The following SGCD variants were observed in gnomAD, a reference collection of about 807,000 sequenced individuals.
SGCD encodes the protein delta-sarcoglycan.
Under a neutral mutation model 36.6 loss-of-function variants are expected in SGCD, and 18 were observed. That is an observed-to-expected ratio of 0.49 (90% confidence interval 0.34 to 0.73). The LOEUF (loss-of-function observed/expected upper bound fraction) is 0.73. Ranked by LOEUF, SGCD falls within the 30% of genes least tolerant of loss-of-function variation. The probability of loss-of-function intolerance (pLI) is 0.01; values close to 1 mark genes in which losing one functional copy is unlikely to be tolerated. For missense variants in SGCD, 387 were observed against 346.7 expected (o/e 1.12, Z -0.92); for synonymous variants, 133 against 130.6 (o/e 1.02, Z -0.12).
intron 3 of SGCD, among the ~76,000 whole-genome samples, chr5:156,438,210 G>T (rs1276674692): frequency 1.3e-5 from 2 of 152,148 alleles, no homozygotes; most frequent in Non-Finnish European, 2.9e-5. Context: ...CTGTGAACTG[G>T]CCTCTAAAAG....
intron 3 of SGCD, among the ~76,000 whole-genome samples, chr5:156,443,388 A>G (rs1044139703): frequency 2.6e-5 from 4 of 152,296 alleles, no homozygotes; most frequent in Admixed American, 6.5e-5. Context: ...AGGTTTTGGA[A>G]ATAGTTTTGC....
At chr5:155,842,714 A>G in the SGCD span, among the ~76,000 whole-genome samples, 195 of 152,364 alleles carry the variant, frequency 1.3e-3, 1 homozygote, top group African/African-American at 4.6e-3. Flanking sequence ...GAATTTTAAT[A>G]AATTAGCACA....
intron 4 of SGCD, among the ~76,000 whole-genome samples, chr5:156,572,678 T>G (rs1330810945): frequency 6.6e-6 from 1 of 152,158 alleles, no homozygotes; most frequent in Non-Finnish European, 1.5e-5. Context: ...CCATTACTTT[T>G]CAAAGAGTGT....
At chr5:156,416,550 GA>G (rs1049242714) in intron 3 of SGCD, among the ~76,000 whole-genome samples, 21 of 151,948 alleles carry the variant, frequency 1.4e-4, no homozygotes, top group Admixed American at 4.6e-4. Flanking sequence ...AATGGGGGGG[GA>G]AAAAAGTGCT....
chr5:156,336,993 A>G (rs375095033), intron 2 of SGCD, among the ~76,000 whole-genome samples: 2 of 152,256 alleles, frequency 1.3e-5, no homozygotes, highest in East Asian at 3.8e-4. Context: ...TGTAAGAAGC[A>G]AATGTTGTTA....
At chr5:156,310,241 A>T (rs946261095) in intron 3 of SGCD, among the ~76,000 whole-genome samples, 2 of 152,188 alleles carry the variant, frequency 1.3e-5, no homozygotes, top group African/African-American at 4.8e-5. Flanking sequence ...AGAAATATAA[A>T]GTTGGTGGCG....
At chr5:155,825,739 T>TTG in the SGCD span, among the ~76,000 whole-genome samples, 11,658 of 144,544 alleles carry the variant, frequency 0.081, 543 homozygotes, top group Non-Finnish European at 0.1. Context: ...TTTTTTTTTT[T>TTG]TTGTTGTTGT....
chr5:156,480,998 G>A (rs747756114), intron 3 of SGCD, among the ~76,000 whole-genome samples: 38 of 152,088 alleles, frequency 2.5e-4, no homozygotes, highest in Non-Finnish European at 8.8e-5. Context: ...TCCACTAATC[G>A]TTTTACATTA....
the SGCD span, among the ~76,000 whole-genome samples, chr5:155,763,098 T>A: frequency 6.6e-6 from 1 of 152,238 alleles, no homozygotes; most frequent in African/African-American, 2.4e-5. Flanking sequence ...TTGTTTTAAT[T>A]TAATTCTTCA....
At chr5:155,805,623 A>C in the SGCD span, among the ~76,000 whole-genome samples, 4 of 152,204 alleles carry the variant, frequency 2.6e-5, no homozygotes, top group Non-Finnish European at 5.9e-5. Context: ...GTCTCCACTC[A>C]TCGCGAAATA....
chr5:156,347,971 A>G (rs1769034716), intron 3 of SGCD, among the ~76,000 whole-genome samples: 1 of 152,204 alleles, frequency 6.6e-6, no homozygotes, highest in Non-Finnish European at 1.5e-5. Flanking sequence ...CATAATTGGT[A>G]CTTTATAGCC....
chr5:156,468,995 AAATAAT>A (rs768094429), intron 3 of SGCD, among the ~76,000 whole-genome samples: 3 of 152,270 alleles, frequency 2.0e-5, no homozygotes, highest in South Asian at 2.1e-4. Flanking sequence ...GTGTCTCAAA[AAATAAT>A]AATAATAAGG....
rs767016855 is a variant in SGCD at position 156,329,533 on chromosome 5, G to A, written c.-43-1G>A. 13 of 1,609,102 alleles carry A rather than the reference G, an allele frequency of 8.1e-6. No homozygotes were observed. The Admixed American group carries it at 1.7e-4, about 21-fold the overall frequency. On this transcript the variant is annotated splice_acceptor_variant, in intron 1 of 8. Transcript: ENST00000337851. LOFTEE classifies it low-confidence loss of function (5UTR_SPLICE). ...TTTTAACCCATATTTGTTCCTTGCA[G>A]AGACATTACTGCCGGGAGTGTTGAG...
chr5:155,804,486 TATGCTGTATG>T, the SGCD span, among the ~76,000 whole-genome samples: 1 of 152,212 alleles, frequency 6.6e-6, no homozygotes, highest in Admixed American at 6.5e-5. Flanking sequence ...ATATCTGTGT[TATGCTGTATG>T]ATTGTATCCA....
At chr5:155,861,000 A>G in the SGCD span, among the ~76,000 whole-genome samples, 1 of 152,218 alleles carries the variant, frequency 6.6e-6, no homozygotes, top group Non-Finnish European at 1.5e-5. Context: ...ATTTGAGGAA[A>G]AAGCAGAGAA....
At chr5:156,716,983 CT>C (rs1378573517) in intron 7 of SGCD, among the ~76,000 whole-genome samples, 1 of 152,116 alleles carries the variant, frequency 6.6e-6, no homozygotes, top group African/African-American at 2.4e-5. Context: ...ATCTTTGTTT[CT>C]GAAAATGTAT....
rs114208128 is a variant in SGCD at position 156,534,342 on chromosome 5, C to A, written c.294+25640C>A. Among the ~76,000 whole-genome samples, 710 of 152,264 alleles carry A rather than the reference C, an allele frequency of 4.7e-3. 6 individuals carry two copies. The highest frequency in any genetic ancestry group is 0.017 in the African/African-American group (690 of 41,560). On this transcript the variant is annotated intron_variant, in intron 4 of 8. Coordinates refer to ENST00000337851, the MANE Select transcript of SGCD (RefSeq NM_000337.6). The stretch of plus-strand genomic sequence containing the variant: ...CTTAGGCCTCTACGGCTTGCCCTAG[C>A]CAAGATTTTTTGCCATTTCCTAATC...
intron 3 of SGCD, among the ~76,000 whole-genome samples, chr5:156,303,356 GT>G (rs1767108403): frequency 6.6e-6 from 1 of 152,036 alleles, no homozygotes; most frequent in African/African-American, 2.4e-5. Context: ...CCAGGCCTGG[GT>G]CTCTCCCTTC....
chr5:156,282,885 T>A (rs1225302496), intron 3 of SGCD, among the ~76,000 whole-genome samples: 1 of 152,160 alleles, frequency 6.6e-6, no homozygotes, highest in African/African-American at 2.4e-5. Context: ...TTTAGTTTAA[T>A]AAAAATACGT....
Sources: allele counts gnomAD v4.1 joint callset (sites outside exome capture counted in the v4.1 genomes callset), GRCh38; gene constraint gnomAD v4.1.1; transcripts MANE v1.5; gene names NCBI Gene and HGNC (gene_info 2026-07-23, HGNC 2026-07-21).